AKAP6: variants seen among roughly 807,000 people sequenced by gnomAD.
The protein encoded by AKAP6 is A-kinase anchoring protein 6, also known as A-kinase anchor protein 6.
AKAP6 carries 58 observed loss-of-function variants against 188.5 expected under a neutral mutation model. The observed-to-expected ratio is 0.31, with a 90% CI of 0.25 to 0.38. AKAP6 has a LOEUF of 0.38. Ranked by LOEUF, AKAP6 falls within the 10% of genes least tolerant of loss-of-function variation. The probability of loss-of-function intolerance (pLI) is 1.00; values close to 1 mark genes in which losing one functional copy is unlikely to be tolerated. For synonymous variants in AKAP6, 989 were observed against 998.6 expected, an observed-to-expected ratio of 0.99 and a Z score of 0.18; for missense variants, 2,710 against 2,740.0, an observed-to-expected ratio of 0.99 and a Z score of 0.24.
At chr14:32,383,585 A>G (rs972548145) in intron 1 of AKAP6, among the ~76,000 whole-genome samples, 14 of 152,296 alleles carry the variant, frequency 9.2e-5, no homozygotes, top group African/African-American at 3.4e-4. Context: ...AACTGGGAGC[A>G]TTTGGAAAGA....
chr14:32,330,955 T>G (rs1382825981), intron 1 of AKAP6, among the ~76,000 whole-genome samples: 1 of 151,992 alleles, frequency 6.6e-6, no homozygotes, highest in Admixed American at 6.6e-5. Flanking sequence ...CATTGCCTGC[T>G]TTTTTATGTC....
At chr14:32,372,611 G>C (rs1212928951) in intron 1 of AKAP6, among the ~76,000 whole-genome samples, 1 of 151,346 alleles carries the variant, frequency 6.6e-6, no homozygotes, top group African/African-American at 2.4e-5. Flanking sequence ...AGAGGAACTG[G>C]CAAGATTCAG....
At chr14:32,797,925 G>GAAAAA (rs57455449) in intron 12 of AKAP6, among the ~76,000 whole-genome samples, 6 of 128,092 alleles carry the variant, frequency 4.7e-5, no homozygotes, top group East Asian at 4.6e-4. Flanking sequence ...CTTCTGCACA[G>GAAAAA]AAAAAAAAAA....
intron 1 of AKAP6, among the ~76,000 whole-genome samples, chr14:32,415,437 A>G (rs1167916968): frequency 6.6e-6 from 1 of 152,200 alleles, no homozygotes; most frequent in Non-Finnish European, 1.5e-5. Flanking sequence ...ATCTACAGAT[A>G]CTTTTATCTA....
chr14:32,571,338 A>G (rs1470078378), intron 4 of AKAP6, among the ~76,000 whole-genome samples: 2 of 152,032 alleles, frequency 1.3e-5, no homozygotes. Flanking sequence ...AGCCTGTGCA[A>G]CACAGTGAGA....
At chr14:32,367,435 A>G (rs1887871179) in intron 1 of AKAP6, among the ~76,000 whole-genome samples, 1 of 152,236 alleles carries the variant, frequency 6.6e-6, no homozygotes, top group African/African-American at 2.4e-5. Flanking sequence ...GAACATTAGC[A>G]TTATCAAATA....
intron 1 of AKAP6, among the ~76,000 whole-genome samples, chr14:32,393,562 T>C (rs1794013574): frequency 6.6e-6 from 1 of 152,196 alleles, no homozygotes. Flanking sequence ...GTTTATTTTC[T>C]GGTTTTGACA....
At chr14:32,619,506 T>C (rs1176293558) in intron 7 of AKAP6, among the ~76,000 whole-genome samples, 1 of 152,176 alleles carries the variant, frequency 6.6e-6, no homozygotes, top group Non-Finnish European at 1.5e-5. Context: ...ATTTCTGGAT[T>C]CTCTATTCTG....
chr14:32,732,430 T>C (rs764956204), intron 9 of AKAP6, 24 bp from the exon 10 acceptor site: 1 of 1,600,118 alleles, frequency 6.2e-7, no homozygotes. Flanking sequence ...CCTAATGATA[T>C]CTCTTTTTCT....
intron 13 of AKAP6, among the ~76,000 whole-genome samples, chr14:32,826,543 A>G (rs1355297797): frequency 1.3e-5 from 2 of 152,176 alleles, no homozygotes; most frequent in Non-Finnish European, 2.9e-5. Flanking sequence ...TGAAAGCAAC[A>G]CCACTCTGAG....
chr14:32,758,463 A>G (rs1430276087), intron 11 of AKAP6, among the ~76,000 whole-genome samples: 3 of 152,166 alleles, frequency 2.0e-5, no homozygotes, highest in African/African-American at 7.2e-5. Flanking sequence ...GCTGGGTGCA[A>G]TGGCTCACGC....
At chr14:32,517,026 A>G (rs1881557947) in intron 2 of AKAP6, among the ~76,000 whole-genome samples, 1 of 152,250 alleles carries the variant, frequency 6.6e-6, no homozygotes, top group Admixed American at 6.5e-5. Context: ...GCAACTCTCA[A>G]TAAGGTTAGA....
chr14:32,543,902 C>T (rs1227143001), intron 3 of AKAP6, among the ~76,000 whole-genome samples: 1 of 152,026 alleles, frequency 6.6e-6, no homozygotes, highest in Non-Finnish European at 1.5e-5. Flanking sequence ...TAGTAATCAA[C>T]CATCATCATT....
At chr14:32,639,253 G>C (rs1483687318) in intron 7 of AKAP6, among the ~76,000 whole-genome samples, 1 of 152,088 alleles carries the variant, frequency 6.6e-6, no homozygotes, top group East Asian at 1.9e-4. Flanking sequence ...TATGGTTTGT[G>C]GCTAATCATT....
chr14:32,788,509 A>G (rs1391113142), intron 12 of AKAP6, among the ~76,000 whole-genome samples: 1 of 152,208 alleles, frequency 6.6e-6, no homozygotes, highest in Non-Finnish European at 1.5e-5. Flanking sequence ...ACCCATGCAG[A>G]ATGAAGAAAA....
chr14:32,613,807 C>T (rs1013589816), intron 7 of AKAP6, among the ~76,000 whole-genome samples: 13 of 152,132 alleles, frequency 8.5e-5, no homozygotes, highest in African/African-American at 3.1e-4. Context: ...GAGGTGTATA[C>T]ACATGTTTAA....
At chr14:32,454,114 C>T (rs535467516) in intron 2 of AKAP6, among the ~76,000 whole-genome samples, 1 of 152,198 alleles carries the variant, frequency 6.6e-6, no homozygotes, top group Admixed American at 6.5e-5. Flanking sequence ...AGTCAGCCTG[C>T]AAAACAAACC....
At chr14:32,523,678 A>T (rs973332455) in intron 2 of AKAP6, among the ~76,000 whole-genome samples, 1 of 151,754 alleles carries the variant, frequency 6.6e-6, no homozygotes, top group Admixed American at 6.6e-5. Context: ...TTTGTCGCCC[A>T]GACTGGTCTC....
intron 1 of AKAP6, among the ~76,000 whole-genome samples, chr14:32,335,303 A>T: frequency 6.6e-6 from 1 of 152,224 alleles, no homozygotes. Flanking sequence ...AATTCTTAAT[A>T]ATTTTTTAAT....
Sources: allele counts gnomAD v4.1 joint callset (sites outside exome capture counted in the v4.1 genomes callset), GRCh38; gene constraint gnomAD v4.1.1; transcripts MANE v1.5; gene names NCBI Gene and HGNC (gene_info 2026-07-23, HGNC 2026-07-21).